The following MYO15B variants were observed in gnomAD, a reference collection of about 807,000 sequenced individuals.
The protein encoded by MYO15B is myosin XVB pseudogene.
A neutral mutation model predicts 119.3 loss-of-function variants in MYO15B; 207 were observed. The observed-to-expected ratio is 1.73, with a 90% CI of 1.55 to 1.95. The LOEUF is 1.95. Ranked by LOEUF, MYO15B falls within the 30% of genes most tolerant of loss-of-function variation. The pLI, the probability that MYO15B is intolerant of heterozygous loss-of-function variation, is 0.00. For synonymous variants in MYO15B, 966 were observed against 498.9 expected (o/e 1.94, Z -12.48); for missense variants, 2,264 against 1,203.1 (o/e 1.88, Z -13.04).
Position 75,593,368 on chromosome 17 carries a change from C to T in MYO15B, c.2991+528C>T, listed in dbSNP as rs1207595561. On this transcript the variant is annotated intron_variant, in intron 9 of 63. Coordinates refer to ENST00000645453, the Ensembl canonical transcript of MYO15B. ...AAAATATGAACAGATTAGGCCAAGG[C>T]GAGCAGATCACTTGAAGTCAGGAGT... Among the ~76,000 whole-genome samples, 7 of 152,096 alleles carry T rather than the reference C, an allele frequency of 4.6e-5. No individual in the cohort carries two copies. In the East Asian group the frequency reaches 1.4e-3, roughly 29 times the overall value.
chr17:75,602,684 T>G, intron 16 of MYO15B, 90 bp downstream of exon 16: 1 of 610,158 alleles, frequency 1.6e-6, no homozygotes, highest in Non-Finnish European at 2.9e-6. Context: ...GCCCAAGGGT[T>G]GGCCCTCAAG....
At chr17:75,606,645 G>C (rs1049670974) in intron 21 of MYO15B, among the ~76,000 whole-genome samples, 2 of 151,832 alleles carry the variant, frequency 1.3e-5, no homozygotes, top group Non-Finnish European at 2.9e-5. Flanking sequence ...GGCTAATTTT[G>C]TATTTTTAGT....
rs1568128238 is a variant in MYO15B, at chr17:75,596,466, CG to C, written c.3307del (p.Val1103Ter). 1.4e-6 allele frequency: 1 copy of C among 702,744 alleles called. No individual in the cohort carries two copies. The highest frequency in any genetic ancestry group is 1.7e-5 in the African/African-American group (1 of 57,160). The allele number at this position is 702,744 out of a possible 1,614,324, so 43.5% of individuals were successfully genotyped here. A position where few individuals can be genotyped will look rare whatever the true frequency, so the allele number is the denominator to read the frequency against. The stretch of plus-strand genomic sequence containing the variant: ...CACTGCCACATGCCCCCAGGCCCTG[CG>C]GGTGAATGGCCTGGAGCAACTGTGC... On this transcript the variant is annotated frameshift_variant, in exon 13 of 64. Coordinates refer to ENST00000645453, the Ensembl canonical transcript of MYO15B. LOFTEE classifies it high-confidence loss of function.
intron 35 of MYO15B, 46 bp downstream of exon 35, chr17:75,615,646 T>C (rs1321839887): frequency 1.5e-6 from 1 of 673,782 alleles, no homozygotes; most frequent in South Asian, 1.6e-5. Context: ...AGGAGAGGTC[T>C]GTGGCTCGGG....
rs820148 is a variant in MYO15B, at chr17:75,619,807, A to G, written c.7301+8A>G. ...GATTCTCTGCTCATACAGGTGCGCT[A>G]GCCCACGACCCTGGGCTAGAGGTGG... is the stretch of plus-strand genomic sequence containing the variant. On this transcript the variant is annotated splice_region_variant and intron_variant, in intron 46 of 63. Transcript: ENST00000645453. The G allele has an allele frequency of 0.35, 243,946 of 702,688 alleles. 43,866 individuals carry two copies. The highest frequency in any genetic ancestry group is 0.44 in the Middle Eastern group (1,906 of 4,366). The allele number at this position is 702,688 out of a possible 1,614,324, so 43.5% of individuals were successfully genotyped here. A position where few individuals can be genotyped will look rare whatever the true frequency, so the allele number is the denominator to read the frequency against.
At position 75,589,821 on chromosome 17, in the gene MYO15B, G is replaced by GT. The variant is rs1202921955; in HGVS notation, c.1765dup (p.Cys589LeufsTer35). On this transcript the variant is annotated frameshift_variant, in exon 1 of 64. Transcript: ENST00000645453. LOFTEE classifies it high-confidence loss of function. The surrounding 1 kb of genome is among the most constrained non-coding windows in gnomAD (Gnocchi z 4.2). ...CAGGGGTGGGGGGGCACAGTGAGGG[G>GT]TGCAGGACGAGTGGGGAAGGGGTGT... 5.0e-6 allele frequency: 2 copies of GT among 398,446 alleles called. No homozygotes were observed. The highest frequency in any genetic ancestry group is 8.8e-5 in the Admixed American group (2 of 22,716). 24.7% of individuals were successfully genotyped at this position (398,446 alleles called of 1,614,324 possible).
exon 2 of MYO15B, chr17:75,590,641 C>T (rs2056379523): frequency 5.0e-6 from 1 of 201,326 alleles, no homozygotes; most frequent in Non-Finnish European, 9.9e-6. Context: ...TGTGTGACAG[C>T]TCTGTGCTGC....
chr17:75,591,364 G>A (rs931576727), intron 4 of MYO15B, 118 bp downstream of exon 4: 2 of 642,804 alleles, frequency 3.1e-6, no homozygotes, highest in Admixed American at 2.3e-5. Context: ...CTACAGTTCT[G>A]GACTCCTCAG....
In MYO15B at chr17:75,611,622, C is replaced by G. The variant is rs768408419; in HGVS notation, c.4468C>G (p.Pro1490Ala). The stretch of plus-strand genomic sequence containing the variant: ...CCAGGAGCTGGGGCGCTTGGAGATC[C>G]CGGCTGAGCTGGCCGTCATGCTGAA... Residue 1490 changes from proline (P) to alanine (A), a missense_variant, in exon 24 of 64, where the codon CCG (proline) becomes GCG (alanine). Transcript: ENST00000645453. 288 of 702,786 alleles carry G rather than the reference C, an allele frequency of 4.1e-4. 1 individual carries two copies. The highest frequency in any genetic ancestry group is 1.0e-3 in the South Asian group (68 of 67,596). The allele number at this position is 702,786 out of a possible 1,614,324, so 43.5% of individuals were successfully genotyped here.
intron 23 of MYO15B, 131 bp from the exon 24 acceptor site, chr17:75,611,470 A>C (rs1334596408): frequency 4.6e-5 from 7 of 153,064 alleles, no homozygotes; most frequent in Non-Finnish European, 7.0e-5. Context: ...CCCTGCCTCA[A>C]AAAAAAAAAA....
In MYO15B at chr17:75,589,056, G is replaced by A. The variant is rs1201213003; in HGVS notation, c.999G>A (p.Pro333=). Residue 333 remains proline (P), a synonymous_variant, in exon 1 of 64, where the codon CCG becomes CCA. Transcript: ENST00000645453. The surrounding 1 kb of genome is among the most constrained non-coding windows in gnomAD (Gnocchi z 4.2). ...GAGCGGGGCCGGAGGACCCAGCCCC[G>A]CTGGCGGCCCTCCTGGTGGTCCGCA... 22 of 396,126 alleles carry A rather than the reference G, an allele frequency of 5.6e-5. No individual in the cohort carries two copies. The East Asian group carries it at 7.2e-4, about 13-fold the overall frequency. The allele number at this position is 396,126 out of a possible 1,614,324, so 24.5% of individuals were successfully genotyped here. A position where few individuals can be genotyped will look rare whatever the true frequency, so the allele number is the denominator to read the frequency against.
chr17:75,614,331 C>T, exon 30 of MYO15B: 1 of 702,832 alleles, frequency 1.4e-6, no homozygotes, highest in Admixed American at 2.0e-5. Flanking sequence ...CAGCTCGCCC[C>T]CGCAGCTACC....
chr17:75,590,878 C>G (rs982744076), intron 2 of MYO15B, 29 bp from the exon 3 acceptor site: 10 of 397,628 alleles, frequency 2.5e-5, no homozygotes, highest in Admixed American at 3.8e-5. Flanking sequence ...TCCCTCCACA[C>G]TCTGATGAGA....
chr17:75,593,566 C>T (rs1189585797), intron 9 of MYO15B, among the ~76,000 whole-genome samples: 3 of 148,832 alleles, frequency 2.0e-5, no homozygotes, highest in South Asian at 2.1e-4. Context: ...CCTGAGGTTG[C>T]GCCACTGTAC....
Position 75,591,019 on chromosome 17 carries a change from A to G in MYO15B, c.2360+3A>G. On this transcript the variant is annotated splice_donor_region_variant and intron_variant, in intron 3 of 63. Transcript: ENST00000645453. The stretch of plus-strand genomic sequence containing the variant: ...AGGAAGGCCCTCAGCACCACTCCGT[A>G]TGTGACTCTGCCCCACTGACCCTCT... 2 of 633,788 alleles carry G rather than the reference A, an allele frequency of 3.2e-6. No homozygotes were observed. Among genetic ancestry groups the G allele is most frequent in the South Asian group, 1.8e-5 (1 of 55,674 alleles). The allele number at this position is 633,788 out of a possible 1,614,324, so 39.3% of individuals were successfully genotyped here. A position where few individuals can be genotyped will look rare whatever the true frequency, so the allele number is the denominator to read the frequency against.
At chr17:75,624,800 G>C (rs756876390) in exon 59 of MYO15B, 3 of 702,796 alleles carry the variant, frequency 4.3e-6, no homozygotes, top group Non-Finnish European at 7.8e-6. Context: ...GCAGCCCGCC[G>C]AATACCTCAA....
At chr17:75,625,237 G>C (rs1374852167) in exon 60 of MYO15B, 1 of 698,768 alleles carries the variant, frequency 1.4e-6, no homozygotes, top group Non-Finnish European at 2.6e-6. Flanking sequence ...TACCCCCTCA[G>C]GGTGAGTGGA....
intron 21 of MYO15B, 45 bp downstream of exon 21, chr17:75,606,066 C>A (rs977791050): frequency 3.1e-6 from 2 of 637,372 alleles, no homozygotes; most frequent in South Asian, 1.7e-5. Context: ...GGGGTGAGGC[C>A]GTGGGTTCGT....
At chr17:75,617,470 G>A (rs1302285804) in intron 41 of MYO15B, 166 bp downstream of exon 41, 7 of 553,828 alleles carry the variant, frequency 1.3e-5, no homozygotes, top group East Asian at 6.1e-5. Context: ...CAGCTTCCGC[G>A]TTCCCACCCA....
Sources: gnomAD v4.1 joint callset for allele counts (sites outside exome capture counted in the v4.1 genomes callset) on GRCh38, gnomAD v4.1.1 for gene constraint, Gnocchi (gnomAD v3.1) non-coding constraint, MANE v1.5 for transcripts, NCBI Gene and HGNC (gene_info 2026-07-23, HGNC 2026-07-21) for gene names.